Variants in ECH1 observed in about 807,000 individuals in gnomAD.
ECH1 encodes delta(3,5)-Delta(2,4)-dienoyl-CoA isomerase, mitochondrial.
ECH1 carries 30 observed loss-of-function variants against 37.0 expected under a neutral mutation model. The observed-to-expected ratio is 0.81, with a 90% CI of 0.61 to 1.10. The LOEUF is 1.10. Ranked by LOEUF, ECH1 falls within the 50% of genes least tolerant of loss-of-function variation. The pLI is 0.00. For missense variants in ECH1, 456 were observed against 441.6 expected (o/e 1.03, Z -0.29); for synonymous variants, 178 against 176.0 (o/e 1.01, Z -0.09).
rs1014664965 is a variant in ECH1 at position 38,816,814 on chromosome 19, C to T, written c.588+251G>A. 7 of 623,982 alleles carry T rather than the reference C, an allele frequency of 1.1e-5. No individual in the cohort carries two copies. The South Asian group carries it at 1.2e-4, about 10-fold the overall frequency. 38.7% of individuals were successfully genotyped at this position (623,982 alleles called of 1,614,324 possible). ...ACCTGAGACCCCTTTACTGCATCCCCCGGCTCCATCCTGCCTCCCACCCTC... is the reference window on the plus strand; with the variant it reads ...ACCTGAGACCCCTTTACTGCATCCCTCGGCTCCATCCTGCCTCCCACCCTC... On this transcript the variant is annotated intron_variant, in intron 6 of 9. Transcript: ENST00000221418.
rs765387847 is a variant in ECH1, at chr19:38,817,291, A to T, written c.523+25T>A. 9.1e-6 allele frequency: 14 copies of T among 1,536,986 alleles called. No individual in the cohort carries two copies. The East Asian group carries it at 1.7e-4, about 18-fold the overall frequency. On this transcript the variant is annotated intron_variant, in intron 5 of 9. Transcript: ENST00000221418. The stretch of plus-strand genomic sequence containing the variant: ...AGCAGCCCCACCTGGGGAGCACCCG[A>T]GCAGGAGGATAGCCGCAGACTCACC...
chr19:38,817,252 C>T lies in ECH1; in HGVS notation c.523+64G>A, dbSNP rs746777886. ...AGAGCTGAGGCTGGATGCCAGTGGC[C>T]GCGGCATCGGAGCAGCAGCCCCACC... On this transcript the variant is annotated intron_variant, in intron 5 of 9. Transcript: ENST00000221418. 2.9e-5 allele frequency: 45 copies of T among 1,531,724 alleles called. No homozygotes were observed. The East Asian group carries it at 4.7e-4, about 16-fold the overall frequency. The allele number at this position is 1,531,724 out of a possible 1,614,324, so 94.9% of individuals were successfully genotyped here.
intron 3 of ECH1, among the ~76,000 whole-genome samples, chr19:38,819,909 G>A (rs561589036): frequency 5.1e-4 from 78 of 151,776 alleles, no homozygotes; most frequent in African/African-American, 1.6e-3. Context: ...CTATGATCGC[G>A]CCACTGCACT....
chr19:38,823,580 G>A (rs191787710), intron 3 of ECH1, among the ~76,000 whole-genome samples: 1 of 152,202 alleles, frequency 6.6e-6, no homozygotes, highest in South Asian at 2.1e-4. Flanking sequence ...TTGGAGTTGG[G>A]AGCGTTGGTT....
At chr19:38,823,086 C>T (rs137882015) in intron 3 of ECH1, 2,146 of 153,200 alleles carry the variant, frequency 0.014, 44 homozygotes, top group African/African-American at 0.049. Context: ...ACACTCACTG[C>T]GAAGGTCTGC....
chr19:38,830,767 G>A, intron 3 of ECH1: 1 of 342,494 alleles, frequency 2.9e-6, no homozygotes. Context: ...AACGTCAGGA[G>A]ATGGAGACCA....
At position 38,815,953 on chromosome 19, in the gene ECH1, G is replaced by T; in HGVS notation, c.786C>A (p.Ala262=). 1.9e-6 allele frequency: 3 copies of T among 1,614,118 alleles called. No individual in the cohort carries two copies. The highest frequency in any genetic ancestry group is 2.5e-6 in the Non-Finnish European group (3 of 1,180,028). The change falls in exon 9 of 10, where the codon GCC becomes GCA. Residue 262 remains alanine, a synonymous_variant. Transcript: ENST00000221418. The part of the protein sequence containing the change: ...VMLDAALALA[A]EISSKSPVAV... Reference sequence around the variant, plus strand: ...CCACGGGGCTCTTGCTGGAAATCTCGGCCGCCAGCGCTAAGGCAGCATCCA... The same window carrying T: ...CCACGGGGCTCTTGCTGGAAATCTCTGCCGCCAGCGCTAAGGCAGCATCCA...
chr19:38,817,395 G>A (rs763065932), intron 4 of ECH1, 31 bp from the exon 5 acceptor site: 2 of 1,606,674 alleles, frequency 1.2e-6, no homozygotes, highest in South Asian at 2.2e-5. Context: ...TGGGGTCAGG[G>A]CTGGCCCAGG....
intron 3 of ECH1, among the ~76,000 whole-genome samples, chr19:38,822,656 TG>T (rs1458476469): frequency 6.6e-6 from 1 of 152,176 alleles, no homozygotes; most frequent in Non-Finnish European, 1.5e-5. Flanking sequence ...GCTAATCTAG[TG>T]GGGACTTGGA....
intron 3 of ECH1, among the ~76,000 whole-genome samples, chr19:38,827,373 C>G (rs975791063): frequency 2.6e-5 from 4 of 152,090 alleles, no homozygotes; most frequent in Non-Finnish European, 4.4e-5. Context: ...CAACTACATA[C>G]GCTGGCTGGA....
intron 3 of ECH1, chr19:38,819,027 G>A: frequency 3.9e-6 from 3 of 761,322 alleles, no homozygotes; most frequent in Non-Finnish European, 4.8e-6. Context: ...GTGCATTTGA[G>A]CCCAGGAGTT....
At position 38,815,884 on chromosome 19, in the gene ECH1, A is replaced by C; in HGVS notation, c.855T>G (p.His285Gln). Residue 285 changes from histidine (H) to glutamine (Q), a missense_variant, in exon 9 of 10, where the codon CAT (histidine) becomes CAG (glutamine). Physicochemically the swap from His to Gln is conservative, Grantham distance 24 (BLOSUM62 0). Transcript: ENST00000221418. The part of the protein sequence containing the change: ...TKVNLLYSRD[H>Q]SVAESLNYVA... ...CGTAGTTGAGGCTCTCGGCCACCGA[A>C]TGGTCGCGGGAATACAGCAGGTTGA... The C allele has an allele frequency of 6.2e-7, 1 of 1,614,194 alleles. No homozygotes were observed. Among genetic ancestry groups the C allele is most frequent in the Non-Finnish European group, 8.5e-7 (1 of 1,180,026 alleles).
At chr19:38,828,331 A>T (rs1348087754) in intron 3 of ECH1, among the ~76,000 whole-genome samples, 1 of 152,046 alleles carries the variant, frequency 6.6e-6, no homozygotes, top group East Asian at 1.9e-4. Context: ...TCCTGGGTTC[A>T]AGCGATTCTC....
intron 3 of ECH1, chr19:38,823,262 T>G (rs1971691420): frequency 5.8e-6 from 1 of 173,074 alleles, no homozygotes; most frequent in Non-Finnish European, 1.2e-5. Flanking sequence ...TGCGGCTTCA[T>G]TCTTGAAGTC....
rs762465287 is a variant in ECH1 at position 38,815,607 on chromosome 19, G to A, written c.*6C>T. 4 of 1,613,994 alleles carry A rather than the reference G, an allele frequency of 2.5e-6. No individual in the cohort carries two copies. Among genetic ancestry groups the A allele is most frequent in the South Asian group, 2.2e-5 (2 of 91,070 alleles). ...CCCCTGGCTGGGGCCTGGGACGCGA[G>A]GGCTCTCAGAGCTTGGAGAAGGTGA... On this transcript the variant is annotated 3_prime_UTR_variant, in exon 10 of 10. Coordinates refer to ENST00000221418, the MANE Select transcript of ECH1 (RefSeq NM_001398.3).
Position 38,824,333 on chromosome 19 carries a change from TTGA to T in ECH1, c.349+6742_349+6744del, listed in dbSNP as rs1268417988. Among the ~76,000 whole-genome samples the T allele has an allele frequency of 3.3e-5, 5 of 152,310 alleles. No homozygotes were observed. In the East Asian group the frequency reaches 9.6e-4, roughly 29 times the overall value. On this transcript the variant is annotated intron_variant, in intron 3 of 9. Transcript: ENST00000221418. ...GAAAACTAGTGTTTCTGCTGCTGCG[TTGA>T]TGAGCACAACTATTCCGATCAGCAG... is the stretch of plus-strand genomic sequence containing the variant.
Position 38,817,064 on chromosome 19 carries a change from C to T in ECH1, c.588+1G>A. 2 of 1,569,004 alleles carry T rather than the reference C, an allele frequency of 1.3e-6. No homozygotes were observed. The highest frequency in any genetic ancestry group is 1.7e-6 in the Non-Finnish European group (2 of 1,157,238). On this transcript the variant is annotated splice_donor_variant, in intron 6 of 9. Transcript: ENST00000221418. LOFTEE classifies it high-confidence loss of function. ...AGCAGGAGCTCGGGAGGATGACTCA[C>T]CTTCACCTGGAAGAAAGCATCCTGG...
intron 3 of ECH1, among the ~76,000 whole-genome samples, chr19:38,817,953 ACT>A (rs1971604167): frequency 6.6e-6 from 1 of 152,270 alleles, no homozygotes; most frequent in African/African-American, 2.4e-5. Context: ...ACAGGGTCTC[ACT>A]CTGTTATACC....
intron 3 of ECH1, 189 bp downstream of exon 3, chr19:38,830,889 G>C (rs764485800): frequency 6.8e-6 from 4 of 590,050 alleles, no homozygotes; most frequent in Non-Finnish European, 1.2e-5. Flanking sequence ...CCGGGAGGTG[G>C]AGGTTGCAGT....
Sources: allele counts gnomAD v4.1 joint callset (sites outside exome capture counted in the v4.1 genomes callset), GRCh38; gene constraint gnomAD v4.1.1; transcripts MANE v1.5; gene names NCBI Gene and HGNC (gene_info 2026-07-23, HGNC 2026-07-21).